Variants in ROBO1 observed in about 807,000 individuals in gnomAD.
ROBO1 encodes the protein roundabout homolog 1.
ROBO1 carries 149 observed loss-of-function variants against 195.9 expected under a neutral mutation model. The ratio of observed to expected loss-of-function variants is 0.76; its 90% CI spans 0.67 to 0.87. The LOEUF is 0.87. Ranked by LOEUF, ROBO1 falls within the 40% of genes least tolerant of loss-of-function variation. The pLI is 0.00. For synonymous variants in ROBO1, 816 were observed against 733.2 expected, an observed-to-expected ratio of 1.11 and a Z score of -1.82; for missense variants, 1,933 against 2,068.3, an observed-to-expected ratio of 0.93 and a Z score of 1.27.
intron 3 of ROBO1, among the ~76,000 whole-genome samples, chr3:79,056,865 A>T (rs1330291750): frequency 1.3e-5 from 2 of 151,366 alleles, no homozygotes; most frequent in African/African-American, 4.9e-5. Context: ...TGTGTCAAAA[A>T]CTCTGTCTGT....
At chr3:79,062,074 T>C (rs1317047110) in intron 3 of ROBO1, among the ~76,000 whole-genome samples, 3 of 151,912 alleles carry the variant, frequency 2.0e-5, no homozygotes, top group African/African-American at 7.3e-5. Flanking sequence ...ACCTACAGGA[T>C]GGGAAAAAAT....
intron 2 of ROBO1, among the ~76,000 whole-genome samples, chr3:79,465,594 T>C (rs530012487): frequency 4.6e-5 from 7 of 152,328 alleles, no homozygotes; most frequent in Admixed American, 6.5e-5. Context: ...TGAAGTATTC[T>C]CATTATTTAT....
At chr3:78,674,905 C>T (rs904904927) in intron 10 of ROBO1, among the ~76,000 whole-genome samples, 1 of 151,994 alleles carries the variant, frequency 6.6e-6, no homozygotes, top group Non-Finnish European at 1.5e-5. Flanking sequence ...GTTCTAATGT[C>T]TCTATATATT....
intron 2 of ROBO1, among the ~76,000 whole-genome samples, chr3:79,382,188 T>G (rs573049145): frequency 4.0e-4 from 61 of 152,260 alleles, no homozygotes; most frequent in African/African-American, 1.4e-3. Flanking sequence ...TCTCTTTTCC[T>G]GAACACTGGA....
At chr3:79,651,637 G>A (rs1946011880) in intron 1 of ROBO1, among the ~76,000 whole-genome samples, 1 of 152,116 alleles carries the variant, frequency 6.6e-6, no homozygotes, top group South Asian at 2.1e-4. Context: ...AGCACCCCGG[G>A]AGACCAGCCA....
At chr3:79,410,974 AT>A (rs2037741939) in intron 2 of ROBO1, among the ~76,000 whole-genome samples, 1 of 152,274 alleles carries the variant, frequency 6.6e-6, no homozygotes, top group African/African-American at 2.4e-5. Flanking sequence ...TACTGGAGGA[AT>A]TTCCAGTAAA....
chr3:78,870,221 C>A (rs918950475), intron 4 of ROBO1, among the ~76,000 whole-genome samples: 1 of 152,100 alleles, frequency 6.6e-6, no homozygotes, highest in Non-Finnish European at 1.5e-5. Flanking sequence ...CTTGATTTGC[C>A]TTAGAGGTCC....
At chr3:78,770,095 C>T (rs390060) in intron 4 of ROBO1, among the ~76,000 whole-genome samples, 147,063 of 152,268 alleles carry the variant, frequency 0.97, 71,220 homozygotes, top group East Asian at 1. Flanking sequence ...AGGTGTTCTT[C>T]TTGCTTCTTG....
intron 4 of ROBO1, among the ~76,000 whole-genome samples, chr3:78,833,831 A>C (rs2032454012): frequency 2.0e-5 from 3 of 152,164 alleles, no homozygotes; most frequent in Admixed American, 2.0e-4. Context: ...AGAACTCAGC[A>C]TGATATTTGG....
Position 78,600,246 on chromosome 3 carries a change from G to A in ROBO1, c.4808C>T (p.Ser1603Phe), listed in dbSNP as rs745961841. 2.5e-6 allele frequency: 4 copies of A among 1,613,318 alleles called. No homozygotes were observed. Among genetic ancestry groups the A allele is most frequent in the Non-Finnish European group, 3.4e-6 (4 of 1,179,382 alleles). Residue 1603 changes from serine (S) to phenylalanine (F), a missense_variant, in exon 30 of 31, where the codon TCC becomes TTC. Coordinates refer to ENST00000464233, the MANE Select transcript of ROBO1 (RefSeq NM_002941.4). ...TCCTCTTGATGACATTGAGCTTGAG[G>A]AACTGGGATCTCTGGGATTATTTGA... is the stretch of plus-strand genomic sequence containing the variant. ...PTSNNPRDPS[S>F]SSSMSSRGSG...
intron 2 of ROBO1, among the ~76,000 whole-genome samples, chr3:79,359,604 C>T (rs945066940): frequency 6.6e-5 from 10 of 152,004 alleles, no homozygotes; most frequent in South Asian, 2.1e-4. Flanking sequence ...TCATTCTAAA[C>T]GCCAGATTTG....
At chr3:78,643,044 A>C (rs186701653) in intron 21 of ROBO1, among the ~76,000 whole-genome samples, 42 of 152,130 alleles carry the variant, frequency 2.8e-4, no homozygotes, top group Non-Finnish European at 5.3e-4. Flanking sequence ...AATTTATTGC[A>C]TTATTAAAAA....
chr3:78,947,961 A>G (rs947681188), intron 3 of ROBO1, among the ~76,000 whole-genome samples: 1 of 152,228 alleles, frequency 6.6e-6, no homozygotes, highest in African/African-American at 2.4e-5. Context: ...CATCCTCCCA[A>G]GACTAAACCA....
At chr3:79,676,388 A>G (rs947831076) in intron 1 of ROBO1, among the ~76,000 whole-genome samples, 3 of 152,048 alleles carry the variant, frequency 2.0e-5, no homozygotes, top group African/African-American at 4.8e-5. Context: ...CCATGTATTA[A>G]TTAATTGGGT....
At chr3:79,519,643 A>G (rs1334944077) in intron 2 of ROBO1, among the ~76,000 whole-genome samples, 12 of 150,262 alleles carry the variant, frequency 8.0e-5, no homozygotes, top group African/African-American at 2.7e-4. Flanking sequence ...AAAAAAAAAA[A>G]AAAAAAGAAA....
At chr3:78,898,654 G>T (rs2107450299) in intron 4 of ROBO1, among the ~76,000 whole-genome samples, 1 of 151,944 alleles carries the variant, frequency 6.6e-6, no homozygotes, top group Middle Eastern at 3.4e-3. Flanking sequence ...CTCCCAAAGT[G>T]CTGGGATTAC....
Position 78,745,032 on chromosome 3 carries a change from G to A in ROBO1, c.657+1711C>T, listed in dbSNP as rs187331201. Among the ~76,000 whole-genome samples, 436 of 152,130 alleles carry A rather than the reference G, an allele frequency of 2.9e-3. 3 individuals are homozygous for A. The highest frequency in any genetic ancestry group is 2.2e-3 in the Non-Finnish European group (150 of 67,990). The stretch of plus-strand genomic sequence containing the variant: ...TCCAGGGCTAAGAATTTTGTTGGCC[G>A]GGCGTGGTGGCTCATGCCTGTAATC... On this transcript the variant is annotated intron_variant, in intron 5 of 30. Transcript: ENST00000464233.
At chr3:79,304,119 G>A (rs1403188660) in intron 2 of ROBO1, among the ~76,000 whole-genome samples, 6 of 152,064 alleles carry the variant, frequency 3.9e-5, no homozygotes, top group African/African-American at 7.2e-5. Flanking sequence ...TTAAATATAC[G>A]CAAGAAATCG....
chr3:78,855,675 C>G (rs555689825), intron 4 of ROBO1, among the ~76,000 whole-genome samples: 41 of 152,216 alleles, frequency 2.7e-4, no homozygotes, highest in African/African-American at 9.9e-4. Flanking sequence ...TATCCTGTTA[C>G]AGCTGATAAA....
Sources: gnomAD v4.1 joint callset for allele counts (sites outside exome capture counted in the v4.1 genomes callset) on GRCh38, gnomAD v4.1.1 for gene constraint, MANE v1.5 for transcripts, NCBI Gene and HGNC (gene_info 2026-07-23, HGNC 2026-07-21) for gene names.